The following PITPNC1 variants were observed in gnomAD, a reference collection of about 807,000 sequenced individuals.
PITPNC1 encodes phosphatidylinositol transfer protein cytoplasmic 1.
Under a neutral mutation model 44.7 loss-of-function variants are expected in PITPNC1, and 18 were observed. The ratio of observed to expected loss-of-function variants is 0.40; its 90% CI spans 0.28 to 0.60. The LOEUF (loss-of-function observed/expected upper bound fraction) is 0.60. PITPNC1 is among the 20% of genes least tolerant of loss of function. PITPNC1 has a pLI of 0.39. For synonymous variants in PITPNC1, 141 were observed against 149.6 expected, an observed-to-expected ratio of 0.94 and a Z score of 0.42; for missense variants, 290 against 418.4, an observed-to-expected ratio of 0.69 and a Z score of 2.68.
intron 6 of PITPNC1, among the ~76,000 whole-genome samples, chr17:67,667,685 A>C (rs1052782749): frequency 1.3e-5 from 2 of 150,212 alleles, no homozygotes; most frequent in African/African-American, 4.9e-5. Flanking sequence ...AAAAAAAAAA[A>C]CCCTTGCTGG....
intron 1 of PITPNC1, among the ~76,000 whole-genome samples, chr17:67,459,281 C>A (rs868701182): frequency 8.5e-5 from 13 of 152,126 alleles, no homozygotes; most frequent in Middle Eastern, 6.8e-3. Flanking sequence ...CCACATCCAG[C>A]TAATTTTGTA....
At chr17:67,469,070 A>C (rs2039474413) in intron 1 of PITPNC1, among the ~76,000 whole-genome samples, 1 of 152,090 alleles carries the variant, frequency 6.6e-6, no homozygotes, top group African/African-American at 2.4e-5. Context: ...GATCTGGGAG[A>C]ATGTCTGGAT....
At chr17:67,489,869 G>A (rs576562997) in intron 1 of PITPNC1, among the ~76,000 whole-genome samples, 8 of 151,890 alleles carry the variant, frequency 5.3e-5, no homozygotes, top group Non-Finnish European at 1.0e-4. Context: ...TTAGCCTCCC[G>A]AGTAGCTGGT....
At chr17:67,682,179 G>T (rs2042721329) in intron 8 of PITPNC1, among the ~76,000 whole-genome samples, 1 of 151,990 alleles carries the variant, frequency 6.6e-6, no homozygotes, top group African/African-American at 2.4e-5. Context: ...CCAGCCTGGG[G>T]ACAGAGTGAG....
intron 2 of PITPNC1, among the ~76,000 whole-genome samples, chr17:67,547,388 T>C (rs2040698992): frequency 9.2e-5 from 14 of 152,086 alleles, no homozygotes; most frequent in Admixed American, 9.2e-4. Flanking sequence ...TGGTGGTGCA[T>C]GCCTTTAGTC....
intron 1 of PITPNC1, among the ~76,000 whole-genome samples, chr17:67,445,061 CAG>C (rs1208398860): frequency 1.3e-5 from 2 of 151,598 alleles, no homozygotes; most frequent in Non-Finnish European, 2.9e-5. Flanking sequence ...AGGGAGGTAA[CAG>C]ATGATTTTTA....
intron 6 of PITPNC1, among the ~76,000 whole-genome samples, chr17:67,645,231 C>G (rs2144356791): frequency 6.6e-6 from 1 of 151,738 alleles, no homozygotes; most frequent in South Asian, 2.1e-4. Context: ...ATCCCAGCTA[C>G]TCGGGAGCCT....
At chr17:67,522,015 C>T (rs1391964584) in intron 1 of PITPNC1, among the ~76,000 whole-genome samples, 1 of 152,016 alleles carries the variant, frequency 6.6e-6, no homozygotes, top group Non-Finnish European at 1.5e-5. Context: ...ATATTAAAGA[C>T]CTCTCGGGCT....
At position 67,553,567 on chromosome 17, in the gene PITPNC1, C is replaced by G. The variant is rs1568038009; in HGVS notation, c.287-43C>G. On this transcript the variant is annotated intron_variant, in intron 3 of 8. Coordinates refer to ENST00000581322, the MANE Select transcript of PITPNC1 (RefSeq NM_012417.4). ...GCATGATCTAAATCATCTTTTGTCT[C>G]TTTTTTCTTTCCTCTCTTCTTCAAA... The G allele has an allele frequency of 4.9e-6, 5 of 1,028,026 alleles. No homozygotes were observed. The South Asian group carries it at 9.1e-5, about 19-fold the overall frequency. 63.7% of individuals were successfully genotyped at this position (1,028,026 alleles called of 1,614,324 possible).
At chr17:67,475,902 A>C (rs977441641) in intron 1 of PITPNC1, among the ~76,000 whole-genome samples, 6 of 152,164 alleles carry the variant, frequency 3.9e-5, no homozygotes, top group Admixed American at 3.3e-4. Context: ...GGCTGTGGGA[A>C]GTTAACAGAG....
intron 5 of PITPNC1, among the ~76,000 whole-genome samples, chr17:67,581,772 G>T (rs990170264): frequency 2.0e-5 from 3 of 152,186 alleles, no homozygotes; most frequent in African/African-American, 7.2e-5. Context: ...GGTGGCTCAC[G>T]CCTGTAATCC....
intron 2 of PITPNC1, among the ~76,000 whole-genome samples, chr17:67,548,253 T>C (rs891139444): frequency 1.3e-5 from 2 of 152,230 alleles, no homozygotes; most frequent in African/African-American, 2.4e-5. Flanking sequence ...AGTTGTCCAC[T>C]TGGCTGTGTC....
intron 1 of PITPNC1, among the ~76,000 whole-genome samples, chr17:67,394,396 C>T (rs1489219866): frequency 6.6e-6 from 1 of 152,154 alleles, no homozygotes; most frequent in Non-Finnish European, 1.5e-5. Flanking sequence ...AACACCTTTT[C>T]TCCCTAGTAG....
intron 1 of PITPNC1, among the ~76,000 whole-genome samples, chr17:67,452,483 T>C (rs2039195620): frequency 6.6e-6 from 1 of 151,590 alleles, no homozygotes; most frequent in Admixed American, 6.6e-5. Context: ...TCGTTCCTCT[T>C]GGGAAGATAC....
chr17:67,541,304 T>G (rs553376098), intron 2 of PITPNC1, among the ~76,000 whole-genome samples: 1 of 152,294 alleles, frequency 6.6e-6, no homozygotes, highest in South Asian at 2.1e-4. Flanking sequence ...ACAGGCCATT[T>G]TCTATCAAGA....
At chr17:67,485,370 AT>A (rs56863875) in intron 1 of PITPNC1, among the ~76,000 whole-genome samples, 1,777 of 122,154 alleles carry the variant, frequency 0.015, 15 homozygotes, top group Admixed American at 0.031. Context: ...TAGTTGGGTG[AT>A]TTTTTTTTTT....
chr17:67,532,604 A>T (rs1425434270), intron 1 of PITPNC1, among the ~76,000 whole-genome samples, 198 bp from the exon 2 acceptor site: 1 of 152,096 alleles, frequency 6.6e-6, no homozygotes, highest in Non-Finnish European at 1.5e-5. Context: ...ATTCACGGGA[A>T]CACGCCGTCT....
chr17:67,599,458 G>A (rs1049784699), intron 5 of PITPNC1, among the ~76,000 whole-genome samples: 1 of 152,124 alleles, frequency 6.6e-6, no homozygotes, highest in Non-Finnish European at 1.5e-5. Context: ...GAACCTGGGG[G>A]AATATTGACG....
chr17:67,411,186 T>G (rs948435296), intron 1 of PITPNC1, among the ~76,000 whole-genome samples: 7 of 152,068 alleles, frequency 4.6e-5, no homozygotes, highest in Non-Finnish European at 8.8e-5. Context: ...GTGGTTATGC[T>G]AAGACAGAAT....
Sources: allele counts gnomAD v4.1 joint callset (sites outside exome capture counted in the v4.1 genomes callset), GRCh38; gene constraint gnomAD v4.1.1; transcripts MANE v1.5; gene names NCBI Gene and HGNC (gene_info 2026-07-23, HGNC 2026-07-21).